GPR107: variants seen among roughly 807,000 people sequenced by gnomAD.
The protein encoded by GPR107 is G protein-coupled receptor 107.
A neutral mutation model predicts 75.5 loss-of-function variants in GPR107; 31 were observed. That is an observed-to-expected ratio of 0.41 (90% CI 0.31 to 0.55). The LOEUF (loss-of-function observed/expected upper bound fraction) is 0.55. GPR107 is among the 20% of genes least tolerant of loss of function. The pLI, the probability that GPR107 is intolerant of heterozygous loss-of-function variation, is 0.26. For missense variants in GPR107, 572 were observed against 665.7 expected, an observed-to-expected ratio of 0.86 and a Z score of 1.55; for synonymous variants, 267 against 251.3, an observed-to-expected ratio of 1.06 and a Z score of -0.59.
intron 7 of GPR107, among the ~76,000 whole-genome samples, chr9:130,087,194 T>C (rs1471059215): frequency 2.0e-5 from 3 of 151,936 alleles, no homozygotes; most frequent in Non-Finnish European, 2.9e-5. Context: ...TAGACCACCA[T>C]ACCTGGCTAA....
chr9:130,078,581 C>T (rs1355805194), intron 4 of GPR107, among the ~76,000 whole-genome samples: 1 of 152,180 alleles, frequency 6.6e-6, no homozygotes, highest in Non-Finnish European at 1.5e-5. Context: ...CACCTATGTG[C>T]AGTGGGGCAG....
chr9:130,059,224 G>A (rs1198850561), intron 1 of GPR107, among the ~76,000 whole-genome samples: 2 of 152,208 alleles, frequency 1.3e-5, no homozygotes, highest in Admixed American at 6.5e-5. Context: ...GGGTGTGGTA[G>A]CTCATGCCTG....
At chr9:130,101,252 T>G in intron 12 of GPR107, 29 bp downstream of exon 12, 1 of 1,205,090 alleles carries the variant, frequency 8.3e-7, no homozygotes, top group Non-Finnish European at 1.2e-6. Flanking sequence ...CATTTGTCAC[T>G]TCCTTTCTTG....
intron 4 of GPR107, 130 bp downstream of exon 4, chr9:130,077,508 G>C (rs529681534): frequency 5.0e-5 from 32 of 637,338 alleles, no homozygotes; most frequent in Admixed American, 4.1e-4. Flanking sequence ...TTCAAGACAA[G>C]GCTAGGGAGA....
In GPR107 at chr9:130,124,900, C is replaced by G. The variant is rs1831634081; in HGVS notation, c.1307-15C>G. The G allele has an allele frequency of 2.0e-6, 3 of 1,504,976 alleles. No homozygotes were observed. The highest frequency in any genetic ancestry group is 1.9e-5 in the Admixed American group (1 of 53,454). The allele number at this position is 1,504,976 out of a possible 1,614,324, so 93.2% of individuals were successfully genotyped here. On this transcript the variant is annotated splice_polypyrimidine_tract_variant and intron_variant, in intron 14 of 17. Coordinates refer to ENST00000347136, the MANE Select transcript of GPR107 (RefSeq NM_020960.5). ...AAGTTAACGAGCTCTTCATTTTGTT[C>G]TTTCTTCTCTCTAGCTGCTATTAAC...
intron 14 of GPR107, among the ~76,000 whole-genome samples, chr9:130,117,718 C>T (rs1831459665): frequency 6.6e-6 from 1 of 152,170 alleles, no homozygotes; most frequent in South Asian, 2.1e-4. Context: ...TCAAAATTCC[C>T]TCTGAAGCCC....
chr9:130,078,627 G>A (rs1027601712), intron 4 of GPR107, among the ~76,000 whole-genome samples: 1 of 152,140 alleles, frequency 6.6e-6, no homozygotes, highest in Admixed American at 6.5e-5. Flanking sequence ...GCTGATGTTA[G>A]GGACTCTGGT....
chr9:130,057,348 A>G lies in GPR107; in HGVS notation c.141+3275A>G, dbSNP rs369085720. Among the ~76,000 whole-genome samples the G allele has an allele frequency of 1.2e-3, 190 of 152,120 alleles. 1 individual carries two copies. Among genetic ancestry groups the G allele is most frequent in the African/African-American group, 4.5e-3 (185 of 41,516 alleles). On this transcript the variant is annotated intron_variant, in intron 1 of 17. Transcript: ENST00000347136. The stretch of plus-strand genomic sequence containing the variant: ...GACAGAGCAAGACCCCATCTCAACA[A>G]CAGCAACAAAAATTAGCCAGATGTG...
intron 4 of GPR107, among the ~76,000 whole-genome samples, chr9:130,079,125 GT>G (rs1008832715): frequency 6.6e-6 from 1 of 151,112 alleles, no homozygotes. Flanking sequence ...CACCCGGCCA[GT>G]TTTTTTTTGT....
rs1219550730 is a variant in GPR107 at position 130,053,928 on chromosome 9, C to G, written c.-5C>G. ...GAGGAAGCGGCTGGTGATGCTGGAA[C>G]AAACATGGCCGCTCTGGCGCCCGTC... On this transcript the variant is annotated 5_prime_UTR_variant, in exon 1 of 18. Transcript: ENST00000347136. 3 of 1,557,792 alleles carry G rather than the reference C, an allele frequency of 1.9e-6. No homozygotes were observed. Among genetic ancestry groups the G allele is most frequent in the South Asian group, 1.2e-5 (1 of 84,836 alleles).
At chr9:130,102,464 A>G (rs1469008093) in intron 12 of GPR107, among the ~76,000 whole-genome samples, 1 of 152,194 alleles carries the variant, frequency 6.6e-6, no homozygotes, top group Admixed American at 6.5e-5. Context: ...TCCCTGAAAG[A>G]CAGACACACA....
At chr9:130,116,603 G>A (rs1831434187) in intron 14 of GPR107, among the ~76,000 whole-genome samples, 1 of 152,222 alleles carries the variant, frequency 6.6e-6, no homozygotes, top group Admixed American at 6.5e-5. Flanking sequence ...GCGGCTGGCA[G>A]AGAAACAGGA....
chr9:130,135,165 C>G lies in GPR107; in HGVS notation c.*44C>G. 1 of 1,064,526 alleles carries G rather than the reference C, an allele frequency of 9.4e-7. No homozygotes were observed. Among genetic ancestry groups the G allele is most frequent in the Non-Finnish European group, 1.4e-6 (1 of 714,630 alleles). 65.9% of individuals were successfully genotyped at this position (1,064,526 alleles called of 1,614,324 possible). ...TGGCACTGTCCAAGGAAACTGTTAA[C>G]TTATTCATAGTCCTATTGGACAGCA... On this transcript the variant is annotated 3_prime_UTR_variant, in exon 18 of 18. Coordinates refer to ENST00000347136, the MANE Select transcript of GPR107 (RefSeq NM_020960.5).
At chr9:130,061,167 G>T (rs1247429103) in intron 1 of GPR107, among the ~76,000 whole-genome samples, 1 of 152,190 alleles carries the variant, frequency 6.6e-6, no homozygotes, top group Non-Finnish European at 1.5e-5. Context: ...ACAGGCTGAG[G>T]CAGTGAGCGG....
rs984153031 is a variant in GPR107, at chr9:130,135,865, T to C, written c.*744T>C. 1 of 152,210 alleles carries C rather than the reference T, an allele frequency of 6.6e-6. No individual in the cohort carries two copies. The highest frequency in any genetic ancestry group is 1.5e-5 in the Non-Finnish European group (1 of 68,068). 9.4% of individuals were successfully genotyped at this position (152,210 alleles called of 1,614,324 possible). ...GTTTTCTGACTGAGATGTTGCCTGA[T>C]GGATGGAAAGAAATGTATTTTTAAG... On this transcript the variant is annotated 3_prime_UTR_variant, in exon 18 of 18. Transcript: ENST00000347136.
intron 14 of GPR107, among the ~76,000 whole-genome samples, chr9:130,116,700 T>C (rs998034227): frequency 2.0e-5 from 3 of 152,028 alleles, no homozygotes; most frequent in African/African-American, 7.3e-5. Flanking sequence ...GGCTCTAGAA[T>C]CGAAGGTAAA....
In GPR107 at chr9:130,079,720, G is replaced by A. The variant is rs548172287; in HGVS notation, c.477G>A (p.Glu159=). 24 of 1,612,786 alleles carry A rather than the reference G, an allele frequency of 1.5e-5. No homozygotes were observed. In the Admixed American group the frequency reaches 3.3e-4, roughly 22 times the overall value. Residue 159 remains glutamate, a synonymous_variant, in exon 5 of 18, where the codon GAG becomes GAA. Coordinates refer to ENST00000347136, the MANE Select transcript of GPR107 (RefSeq NM_020960.5). ...RDEKVLGQSQ[E]PNVNPASAGN... ...AGAAAGTCCTTGGTCAGAGCCAGGA[G>A]CCTAATGTTAACCCTGCTTCAGCAG...
intron 14 of GPR107, among the ~76,000 whole-genome samples, chr9:130,113,183 A>G (rs1831346904): frequency 6.6e-6 from 1 of 152,132 alleles, no homozygotes; most frequent in Non-Finnish European, 1.5e-5. Context: ...TGCCAGTGAT[A>G]AAAGAAAACT....
At chr9:130,102,238 C>A (rs1384446152) in intron 12 of GPR107, among the ~76,000 whole-genome samples, 1 of 152,138 alleles carries the variant, frequency 6.6e-6, no homozygotes, top group Non-Finnish European at 1.5e-5. Context: ...CTGTGCCGGT[C>A]TTTCGGCTGT....
Sources: gnomAD v4.1 joint callset for allele counts (sites outside exome capture counted in the v4.1 genomes callset) on GRCh38, gnomAD v4.1.1 for gene constraint, MANE v1.5 for transcripts, NCBI Gene and HGNC (gene_info 2026-07-23, HGNC 2026-07-21) for gene names.